GPAM: variants seen among roughly 807,000 people sequenced by gnomAD.
The protein encoded by GPAM is glycerol-3-phosphate acyltransferase 1, mitochondrial.
GPAM carries 56 observed loss-of-function variants against 105.0 expected under a neutral mutation model. The observed-to-expected ratio is 0.53, with a 90% CI of 0.43 to 0.67. The LOEUF (loss-of-function observed/expected upper bound fraction) is 0.67. GPAM is among the 30% of genes least tolerant of loss of function. The probability of loss-of-function intolerance (pLI) is 0.00; values close to 1 mark genes in which losing one functional copy is unlikely to be tolerated. For synonymous variants in GPAM, 368 were observed against 354.4 expected (o/e 1.04, Z -0.43); for missense variants, 855 against 989.8 (o/e 0.86, Z 1.83).
intron 1 of GPAM, among the ~76,000 whole-genome samples, chr10:112,204,538 A>G (rs1251183023): frequency 6.6e-6 from 1 of 151,128 alleles, no homozygotes; most frequent in Non-Finnish European, 1.5e-5. Context: ...GTCTACTATG[A>G]TCTGTTGTTT....
At chr10:112,164,719 T>C in intron 12 of GPAM, 109 bp from the exon 13 acceptor site, 1 of 725,362 alleles carries the variant, frequency 1.4e-6, no homozygotes, top group East Asian at 2.6e-5. Flanking sequence ...AAATAAGCCA[T>C]GCTATAGAGC....
intron 17 of GPAM, among the ~76,000 whole-genome samples, chr10:112,159,281 C>T (rs555037260): frequency 1.7e-4 from 22 of 131,442 alleles, no homozygotes; most frequent in African/African-American, 4.4e-4. Flanking sequence ...AGAACAGTGG[C>T]GCAATCTCAG....
chr10:112,192,036 G>A (rs533864034), intron 1 of GPAM, among the ~76,000 whole-genome samples: 1 of 152,276 alleles, frequency 6.6e-6, no homozygotes, highest in East Asian at 1.9e-4. Flanking sequence ...AATGAGGAAG[G>A]GGACCAGCCT....
At chr10:112,206,832 TTA>T (rs1491476932) in intron 1 of GPAM, among the ~76,000 whole-genome samples, 1 of 136,530 alleles carries the variant, frequency 7.3e-6, no homozygotes, top group Admixed American at 6.9e-5. Flanking sequence ...AAAAAAAAAT[TTA>T]AAAAAAAAAA....
At chr10:112,162,598 C>T (rs1055591407) in intron 14 of GPAM, among the ~76,000 whole-genome samples, 7 of 152,022 alleles carry the variant, frequency 4.6e-5, no homozygotes, top group Non-Finnish European at 1.0e-4. Flanking sequence ...ATACTTCATT[C>T]ACCACTGGTA....
At chr10:112,189,203 T>C (rs1210167250) in intron 1 of GPAM, among the ~76,000 whole-genome samples, 1 of 152,224 alleles carries the variant, frequency 6.6e-6, no homozygotes, top group Non-Finnish European at 1.5e-5. Context: ...TGGCATGAAT[T>C]ATTCTTACTG....
intron 1 of GPAM, among the ~76,000 whole-genome samples, chr10:112,200,224 T>C (rs967229919): frequency 3.4e-5 from 4 of 118,844 alleles, no homozygotes; most frequent in African/African-American, 1.3e-4. Flanking sequence ...GTCCACACTA[T>C]ATGTATATAT....
intron 1 of GPAM, among the ~76,000 whole-genome samples, chr10:112,192,143 C>T (rs572354397): frequency 6.6e-5 from 10 of 152,140 alleles, no homozygotes; most frequent in Non-Finnish European, 1.2e-4. Context: ...TATTGGCCTT[C>T]AAGAGAACTT....
At chr10:112,219,950 G>C (rs1243050840), upstream of GPAM, among the ~76,000 whole-genome samples, 2 of 152,178 alleles carry the variant, frequency 1.3e-5, no homozygotes, top group African/African-American at 4.8e-5. Context: ...AAAGGAGCCT[G>C]AATTCTGCTA....
chr10:112,210,163 T>C (rs182636776), intron 1 of GPAM, among the ~76,000 whole-genome samples: 14 of 152,362 alleles, frequency 9.2e-5, no homozygotes, highest in Admixed American at 8.5e-4. Flanking sequence ...AACTGAAGGA[T>C]GAGAGTGAAT....
At chr10:112,193,824 G>A (rs537957988) in intron 1 of GPAM, among the ~76,000 whole-genome samples, 43 of 152,336 alleles carry the variant, frequency 2.8e-4, no homozygotes, top group South Asian at 6.2e-4. Context: ...GCTAGGCTGC[G>A]AAGATCTTAT....
intron 21 of GPAM, 134 bp downstream of exon 21, chr10:112,154,495 A>T (rs1846979120): frequency 1.4e-6 from 1 of 712,772 alleles, no homozygotes; most frequent in African/African-American, 1.8e-5. Flanking sequence ...CGTTCCCAAA[A>T]ATGCCTTTAT....
Position 112,163,799 on chromosome 10 carries a change from T to A in GPAM, c.1325A>T (p.Asp442Val). ...ATTAATGGACGTGTCTCTACCTTCA[T>A]CAGCAGCATCACTGGGTCTAAAAAG... ...ILPSRPSDAA[D>V]EGRDTSINES... The change falls in exon 14 of 22, where the codon GAT becomes GTT. Residue 442 changes from aspartate (D) to valine (V), a missense_variant. Transcript: ENST00000348367. The A allele has an allele frequency of 6.3e-7, 1 of 1,575,440 alleles. No homozygotes were observed. The highest frequency in any genetic ancestry group is 8.7e-7 in the Non-Finnish European group (1 of 1,144,704).
the GPAM span, among the ~76,000 whole-genome samples, chr10:112,224,107 G>T: frequency 6.6e-6 from 1 of 152,020 alleles, no homozygotes; most frequent in Non-Finnish European, 1.5e-5. Flanking sequence ...CTCTTGATTT[G>T]TTCACATCCC....
upstream of GPAM, among the ~76,000 whole-genome samples, chr10:112,215,688 G>A (rs184414241): frequency 2.3e-4 from 33 of 144,870 alleles, no homozygotes; most frequent in Middle Eastern, 0.017. Flanking sequence ...GTCAGGCTCC[G>A]GGCCTGGCTG....
At chr10:112,200,450 G>A (rs1589608094) in intron 1 of GPAM, among the ~76,000 whole-genome samples, 1 of 151,778 alleles carries the variant, frequency 6.6e-6, no homozygotes, top group Admixed American at 6.6e-5. Flanking sequence ...ACCAGGCTCA[G>A]CTAATTTTTG....
At chr10:112,167,673 A>C (rs1847241899) in intron 11 of GPAM, among the ~76,000 whole-genome samples, 3 of 152,240 alleles carry the variant, frequency 2.0e-5, no homozygotes, top group Admixed American at 2.0e-4. Context: ...CCCAGTCTGT[A>C]AGAAATGAAA....
chr10:112,202,312 GA>G (rs1847807636), intron 1 of GPAM, among the ~76,000 whole-genome samples: 1 of 152,170 alleles, frequency 6.6e-6, no homozygotes, highest in South Asian at 2.1e-4. Flanking sequence ...TTTGGCCCAG[GA>G]GCCATAGTTA....
chr10:112,209,667 T>A (rs181229381), intron 1 of GPAM, among the ~76,000 whole-genome samples: 1 of 152,276 alleles, frequency 6.6e-6, no homozygotes, highest in African/African-American at 2.4e-5. Context: ...CCAAGGTTTA[T>A]CAATTTTCCC....
Sources: allele counts gnomAD v4.1 joint callset (sites outside exome capture counted in the v4.1 genomes callset), GRCh38; gene constraint gnomAD v4.1.1; transcripts MANE v1.5; gene names NCBI Gene and HGNC (gene_info 2026-07-23, HGNC 2026-07-21).